EHBP1: variants seen among roughly 807,000 people sequenced by gnomAD.
EHBP1 encodes the protein EH domain-binding protein 1.
In EHBP1, 55 loss-of-function variants were observed where a neutral mutation model predicts 144.0. The ratio of observed to expected loss-of-function variants is 0.38; its 90% confidence interval spans 0.31 to 0.48. The LOEUF (loss-of-function observed/expected upper bound fraction) is 0.48, where lower values mean the gene tolerates loss of function less well. Ranked by LOEUF, EHBP1 falls within the 20% of genes least tolerant of loss-of-function variation. The pLI, the probability that EHBP1 is intolerant of heterozygous loss-of-function variation, is 0.98. For synonymous variants in EHBP1, 469 were observed against 472.7 expected (o/e 0.99, Z 0.10); for missense variants, 1,200 against 1,364.2 (o/e 0.88, Z 1.90).
chr2:62,833,163 C>G (rs2046953569), intron 7 of EHBP1, among the ~76,000 whole-genome samples: 1 of 152,144 alleles, frequency 6.6e-6, no homozygotes, highest in South Asian at 2.1e-4. Context: ...AGATCAAGGC[C>G]CTAACTCTGT....
At chr2:62,883,061 AC>A (rs988544845) in intron 10 of EHBP1, among the ~76,000 whole-genome samples, 1 of 152,138 alleles carries the variant, frequency 6.6e-6, no homozygotes. Context: ...TACTGTCTAT[AC>A]CATTATCTCT....
chr2:63,003,410 A>C (rs1169880562), intron 19 of EHBP1, among the ~76,000 whole-genome samples: 2 of 152,196 alleles, frequency 1.3e-5, no homozygotes, highest in South Asian at 2.1e-4. Context: ...TTTTATTTAC[A>C]CAGAGCCGTT....
At chr2:62,720,194 T>G (rs1437356184) in intron 2 of EHBP1, among the ~76,000 whole-genome samples, 1 of 152,170 alleles carries the variant, frequency 6.6e-6, no homozygotes, top group Non-Finnish European at 1.5e-5. Context: ...TCTTTTGGCT[T>G]GGGGGTGAGG....
chr2:62,698,381 C>T (rs2034172522), intron 1 of EHBP1, among the ~76,000 whole-genome samples: 2 of 152,320 alleles, frequency 1.3e-5, no homozygotes, highest in South Asian at 4.1e-4. Context: ...TAATGCAAGA[C>T]AGTTGTTTCA....
Position 62,840,016 on chromosome 2 carries a change from G to A in EHBP1, c.634+8858G>A, listed in dbSNP as rs190874739. Among the ~76,000 whole-genome samples the A allele has an allele frequency of 4.1e-3, 627 of 152,016 alleles. 16 individuals carry two copies. Among genetic ancestry groups the A allele is most frequent in the Admixed American group, 0.036 (547 of 15,246 alleles). On this transcript the variant is annotated intron_variant, in intron 7 of 22. Transcript: ENST00000431489. Reference sequence around the variant, plus strand: ...TAAAGTTCATATGGAACCAAAAAAGGGCTTGCATTGCCAAGACAATCCTAA... The same window carrying A: ...TAAAGTTCATATGGAACCAAAAAAGAGCTTGCATTGCCAAGACAATCCTAA...
intron 10 of EHBP1, among the ~76,000 whole-genome samples, chr2:62,917,473 C>T (rs143500855): frequency 4.2e-4 from 64 of 151,994 alleles, no homozygotes; most frequent in Non-Finnish European, 7.5e-4. Context: ...CATGTGTGTG[C>T]GCACACACAC....
At chr2:62,759,208 C>T (rs1256079842) in intron 3 of EHBP1, among the ~76,000 whole-genome samples, 2 of 152,088 alleles carry the variant, frequency 1.3e-5, no homozygotes, top group African/African-American at 4.8e-5. Flanking sequence ...GATAATGTAT[C>T]CTAACTTTTT....
chr2:63,020,612 G>A (rs922792468), intron 19 of EHBP1, among the ~76,000 whole-genome samples: 1 of 151,964 alleles, frequency 6.6e-6, no homozygotes, highest in African/African-American at 2.4e-5. Flanking sequence ...CACTCAATAC[G>A]ATAGTAGCTA....
intron 5 of EHBP1, among the ~76,000 whole-genome samples, chr2:62,773,060 C>CA (rs2041787795): frequency 6.6e-6 from 1 of 152,090 alleles, no homozygotes. Context: ...TACATTAACT[C>CA]AAGAGAATAC....
intron 2 of EHBP1, among the ~76,000 whole-genome samples, chr2:62,734,963 C>T (rs923828286): frequency 3.3e-5 from 5 of 152,076 alleles, no homozygotes; most frequent in African/African-American, 9.7e-5. Flanking sequence ...TGCAGTGGCG[C>T]GATCACGGCA....
intron 5 of EHBP1, among the ~76,000 whole-genome samples, chr2:62,793,497 C>T (rs917175245): frequency 6.6e-6 from 1 of 151,860 alleles, no homozygotes; most frequent in African/African-American, 2.4e-5. Flanking sequence ...CTAGGTTCAG[C>T]GTTGAGTTTG....
At chr2:62,788,661 T>C (rs1156707601) in intron 5 of EHBP1, among the ~76,000 whole-genome samples, 1 of 152,230 alleles carries the variant, frequency 6.6e-6, no homozygotes, top group Non-Finnish European at 1.5e-5. Context: ...TTTTCTGTTA[T>C]TACTAAGAAA....
At chr2:62,977,802 G>A (rs1254335651) in intron 14 of EHBP1, among the ~76,000 whole-genome samples, 4 of 152,066 alleles carry the variant, frequency 2.6e-5, no homozygotes, top group Non-Finnish European at 4.4e-5. Flanking sequence ...ACATATACAC[G>A]TAGACACACA....
intron 9 of EHBP1, among the ~76,000 whole-genome samples, chr2:62,868,573 G>C (rs1044756267): frequency 1.3e-5 from 2 of 152,146 alleles, no homozygotes; most frequent in Admixed American, 6.5e-5. Context: ...GCAAGCCACA[G>C]TTTGGCAGAA....
chr2:62,701,062 C>G (rs963958451), upstream of EHBP1, among the ~76,000 whole-genome samples: 2 of 152,210 alleles, frequency 1.3e-5, no homozygotes, highest in Admixed American at 6.5e-5. Context: ...CCACTAGCAT[C>G]CAGCTCTCAT....
chr2:62,952,288 C>T (rs1475405606), intron 13 of EHBP1, among the ~76,000 whole-genome samples: 1 of 152,166 alleles, frequency 6.6e-6, no homozygotes, highest in African/African-American at 2.4e-5. Context: ...TTGTATATAG[C>T]AGCTGAATTT....
chr2:62,818,824 T>C (rs1015449150), intron 5 of EHBP1, among the ~76,000 whole-genome samples: 1 of 152,216 alleles, frequency 6.6e-6, no homozygotes, highest in African/African-American at 2.4e-5. Context: ...AAATAAATAG[T>C]ATTGGTAATG....
At position 62,911,423 on chromosome 2, in the gene EHBP1, A is replaced by T. The variant is rs1211247155; in HGVS notation, c.1186-31295A>T. Among the ~76,000 whole-genome samples the T allele has an allele frequency of 2.6e-5, 4 of 152,058 alleles. No homozygotes were observed. In the East Asian group the frequency reaches 5.8e-4, roughly 22 times the overall value. ...AAGGCATTAGAATGTTTTCTTGGTTATTTTTTTAACTTTCCTGTCCTGTTT... is the reference window on the plus strand; with the variant it reads ...AAGGCATTAGAATGTTTTCTTGGTTTTTTTTTTAACTTTCCTGTCCTGTTT... On this transcript the variant is annotated intron_variant, in intron 10 of 22. Transcript: ENST00000431489.
intron 10 of EHBP1, among the ~76,000 whole-genome samples, chr2:62,897,811 A>G (rs2053064557): frequency 6.6e-6 from 1 of 152,094 alleles, no homozygotes; most frequent in Non-Finnish European, 1.5e-5. Flanking sequence ...CTTAAGAGCC[A>G]TTTTTTTCTC....
Sources: gnomAD v4.1 joint callset for allele counts (sites outside exome capture counted in the v4.1 genomes callset) on GRCh38, gnomAD v4.1.1 for gene constraint, MANE v1.5 for transcripts, NCBI Gene and HGNC (gene_info 2026-07-23, HGNC 2026-07-21) for gene names.